The following RALGAPB variants were observed in gnomAD, a reference collection of about 807,000 sequenced individuals.
The protein encoded by RALGAPB is ral GTPase-activating protein subunit beta.
RALGAPB carries 25 observed loss-of-function variants against 161.1 expected under a neutral mutation model. The observed-to-expected ratio is 0.16, with a 90% confidence interval of 0.11 to 0.22. The LOEUF is 0.22. RALGAPB is among the 10% of genes least tolerant of loss of function. The pLI, the probability that RALGAPB is intolerant of heterozygous loss-of-function variation, is 1.00. For synonymous variants in RALGAPB, 629 were observed against 626.1 expected, an observed-to-expected ratio of 1.00 and a Z score of -0.07; for missense variants, 1,391 against 1,815.2, an observed-to-expected ratio of 0.77 and a Z score of 4.25.
At position 38,575,044 on chromosome 20, in the gene RALGAPB, G is replaced by C; in HGVS notation, c.*77G>C. The C allele has an allele frequency of 1.6e-6, 2 of 1,237,182 alleles. No individual in the cohort carries two copies. Among genetic ancestry groups the C allele is most frequent in the Non-Finnish European group, 2.3e-6 (2 of 852,990 alleles). The allele number at this position is 1,237,182 out of a possible 1,614,324, so 76.6% of individuals were successfully genotyped here. A position where few individuals can be genotyped will look rare whatever the true frequency, so the allele number is the denominator to read the frequency against. ...CAGAACAGTTTGATAGGTGATCACT[G>C]TAAAAATAAAAACAAATCACTCCCA... On this transcript the variant is annotated 3_prime_UTR_variant, in exon 30 of 30. Transcript: ENST00000262879.
intron 1 of RALGAPB, among the ~76,000 whole-genome samples, chr20:38,483,892 G>A (rs929122968): frequency 3.9e-5 from 6 of 152,176 alleles, no homozygotes; most frequent in African/African-American, 1.4e-4. Flanking sequence ...TCTTATTTGT[G>A]TGTTTAAGAG....
intron 3 of RALGAPB, among the ~76,000 whole-genome samples, chr20:38,494,673 G>A (rs182363217): frequency 4.7e-4 from 72 of 152,254 alleles, no homozygotes; most frequent in Middle Eastern, 3.4e-3. Flanking sequence ...ACGGTTGGGA[G>A]TACTTAGAAT....
chr20:38,520,524 CTTT>C (rs775371608), intron 9 of RALGAPB, among the ~76,000 whole-genome samples: 4 of 70,320 alleles, frequency 5.7e-5, no homozygotes, highest in African/African-American at 1.7e-4. Context: ...TGTGTTTTGG[CTTT>C]TTTTTTTTTT....
At chr20:38,569,667 T>A in intron 26 of RALGAPB, 2 of 486,974 alleles carry the variant, frequency 4.1e-6, no homozygotes, top group South Asian at 6.9e-5. Flanking sequence ...TTCCTTTTTT[T>A]TTCTTTGACA....
rs2088410860 is a variant in RALGAPB, at chr20:38,575,727, C to A, written c.*760C>A. 1 of 152,130 alleles carries A rather than the reference C, an allele frequency of 6.6e-6. No individual in the cohort carries two copies. The highest frequency in any genetic ancestry group is 1.5e-5 in the Non-Finnish European group (1 of 68,022). The allele number at this position is 152,130 out of a possible 1,614,324, so 9.4% of individuals were successfully genotyped here. ...TAAAAGTTATAAGACAGCAGTGATA[C>A]CCCACTCTCTCCATTATTGTCCAGC... On this transcript the variant is annotated 3_prime_UTR_variant, in exon 30 of 30. Transcript: ENST00000262879.
intron 6 of RALGAPB, among the ~76,000 whole-genome samples, chr20:38,513,734 T>C (rs1428368784): frequency 4.6e-5 from 7 of 152,256 alleles, no homozygotes; most frequent in African/African-American, 1.7e-4. Context: ...TTTAAGCAAT[T>C]AAGTGGTTTT....
In RALGAPB at chr20:38,488,399, T is replaced by G. The variant is rs575452290; in HGVS notation, c.-30-4T>G. The G allele has an allele frequency of 7.7e-6, 12 of 1,562,424 alleles. No individual in the cohort carries two copies. The South Asian group carries it at 1.4e-4, about 18-fold the overall frequency. On this transcript the variant is annotated splice_polypyrimidine_tract_variant and splice_region_variant and intron_variant, in intron 1 of 29. Transcript: ENST00000262879. ...TGACATGCATTTCTGTTTTGTCTTT[T>G]CAGGTGCCATTTGGATTGTACTTTA...
Position 38,578,528 on chromosome 20 carries a change from G to C in RALGAPB, c.*3561G>C, listed in dbSNP as rs1269872671. ...CCAAGACATCTTTCTCCTCTGAAGG[G>C]CTTGGCAGTTGTGGCTAAAAAATAA... On this transcript the variant is annotated 3_prime_UTR_variant, in exon 30 of 30. Coordinates refer to ENST00000262879, the MANE Select transcript of RALGAPB (RefSeq NM_020336.4). 2 of 152,574 alleles carry C rather than the reference G, an allele frequency of 1.3e-5. No homozygotes were observed. Among genetic ancestry groups the C allele is most frequent in the African/African-American group, 4.8e-5 (2 of 41,436 alleles). 9.5% of individuals were successfully genotyped at this position (152,574 alleles called of 1,614,324 possible).
chr20:38,482,747 T>C (rs1222120789), intron 1 of RALGAPB, among the ~76,000 whole-genome samples: 1 of 152,150 alleles, frequency 6.6e-6, no homozygotes, highest in Non-Finnish European at 1.5e-5. Context: ...TATCTGGTTG[T>C]AATTATGATA....
At chr20:38,504,635 A>G (rs907044159) in intron 5 of RALGAPB, among the ~76,000 whole-genome samples, 1 of 152,218 alleles carries the variant, frequency 6.6e-6, no homozygotes, top group Non-Finnish European at 1.5e-5. Context: ...AACAGAGTAA[A>G]TGGAAAACCT....
chr20:38,472,948 A>C lies in RALGAPB; in HGVS notation c.-152A>C. 2.5e-6 allele frequency: 1 copy of C among 398,762 alleles called. No individual in the cohort carries two copies. Among genetic ancestry groups the C allele is most frequent in the Non-Finnish European group, 4.4e-6 (1 of 225,888 alleles). The allele number at this position is 398,762 out of a possible 1,614,324, so 24.7% of individuals were successfully genotyped here. A position where few individuals can be genotyped will look rare whatever the true frequency, so the allele number is the denominator to read the frequency against. On this transcript the variant is annotated 5_prime_UTR_variant, in exon 1 of 30. Transcript: ENST00000262879. ...GACGGGTGGACTGACGGACCGCCTG[A>C]GGACGGCCGGCCAGGGCGGTGAAAG...
At chr20:38,561,532 T>C (rs905144982) in intron 23 of RALGAPB, among the ~76,000 whole-genome samples, 2 of 152,194 alleles carry the variant, frequency 1.3e-5, no homozygotes, top group Non-Finnish European at 2.9e-5. Context: ...TTTTTAGAAA[T>C]AGTGATTCCA....
chr20:38,554,084 T>G lies in RALGAPB; in HGVS notation c.3372+8T>G. ...TCCTTAGAAGCACTGAAGGTAATTT[T>G]CATGAACTTTTATGAATAAATATAT... On this transcript the variant is annotated splice_region_variant and intron_variant, in intron 22 of 29. Coordinates refer to ENST00000262879, the MANE Select transcript of RALGAPB (RefSeq NM_020336.4). 6.4e-7 allele frequency: 1 copy of G among 1,567,870 alleles called. No homozygotes were observed. The highest frequency in any genetic ancestry group is 8.8e-7 in the Non-Finnish European group (1 of 1,138,108).
intron 6 of RALGAPB, among the ~76,000 whole-genome samples, chr20:38,513,427 C>T (rs1406656496): frequency 3.9e-5 from 5 of 128,186 alleles, no homozygotes; most frequent in Non-Finnish European, 6.3e-5. Flanking sequence ...TCGCTTGAAC[C>T]GGGAAGCAGA....
At chr20:38,522,732 A>G (rs1209539658) in intron 10 of RALGAPB, among the ~76,000 whole-genome samples, 7 of 152,248 alleles carry the variant, frequency 4.6e-5, no homozygotes, top group Non-Finnish European at 1.0e-4. Flanking sequence ...AGGCAGGGTT[A>G]TCATAACTAT....
chr20:38,531,072 A>G, intron 13 of RALGAPB, 95 bp from the exon 14 acceptor site: 3 of 1,109,546 alleles, frequency 2.7e-6, no homozygotes, highest in Middle Eastern at 2.8e-4. Context: ...AACCAAAATT[A>G]TATTCTTATC....
intron 20 of RALGAPB, among the ~76,000 whole-genome samples, chr20:38,550,362 C>T (rs2087335426): frequency 6.6e-6 from 1 of 152,002 alleles, no homozygotes; most frequent in Non-Finnish European, 1.5e-5. Flanking sequence ...TGAGAGACAC[C>T]ACAAAATTGG....
intron 20 of RALGAPB, among the ~76,000 whole-genome samples, chr20:38,549,579 T>C (rs371398483): frequency 1.1e-4 from 8 of 72,416 alleles, no homozygotes; most frequent in African/African-American, 1.8e-4. Context: ...CACACACACA[T>C]ACATATACAC....
At position 38,575,157 on chromosome 20, in the gene RALGAPB, C is replaced by T. The variant is rs746294806; in HGVS notation, c.*190C>T. ...TTGGGCTATCTAGTGAAATGGGCTC[C>T]CAGACACAATCACACTCCTGCTGAT... On this transcript the variant is annotated 3_prime_UTR_variant, in exon 30 of 30. Transcript: ENST00000262879. 135 of 575,830 alleles carry T rather than the reference C, an allele frequency of 2.3e-4. No homozygotes were observed. Among genetic ancestry groups the T allele is most frequent in the Non-Finnish European group, 3.6e-4 (118 of 327,360 alleles). 35.7% of individuals were successfully genotyped at this position (575,830 alleles called of 1,614,324 possible). A position where few individuals can be genotyped will look rare whatever the true frequency, so the allele number is the denominator to read the frequency against.
Sources: gnomAD v4.1 joint callset for allele counts (sites outside exome capture counted in the v4.1 genomes callset) on GRCh38, gnomAD v4.1.1 for gene constraint, MANE v1.5 for transcripts, NCBI Gene and HGNC (gene_info 2026-07-23, HGNC 2026-07-21) for gene names.